FAAH2: variants seen among roughly 807,000 people sequenced by gnomAD.
The protein encoded by FAAH2 is fatty acid amide hydrolase 2.
In FAAH2, 60 loss-of-function variants were observed where a neutral mutation model predicts 36.9. That is an observed-to-expected ratio of 1.63 (90% CI 1.32 to 2.02). FAAH2 has a LOEUF of 2.02. FAAH2 is among the 30% of genes most tolerant of loss of function. FAAH2 has a pLI of 0.00. For synonymous variants in FAAH2, 214 were observed against 143.8 expected (o/e 1.49, Z -3.49); for missense variants, 689 against 397.5 (o/e 1.73, Z -6.23).
chrX:57,418,964 G>A (rs770645532), intron 7 of FAAH2, among the ~76,000 whole-genome samples: 93 of 100,971 alleles, frequency 9.2e-4, no homozygotes, highest in African/African-American at 2.5e-3. Flanking sequence ...GAGAACATGC[G>A]GTGTTTGGTT....
the FAAH2 span, among the ~76,000 whole-genome samples, chrX:57,186,811 A>T: frequency 8.9e-6 from 1 of 111,993 alleles, no homozygotes; most frequent in Non-Finnish European, 1.9e-5. Context: ...GCCATTTATT[A>T]AGTAAAGAAT....
chrX:57,449,492 G>A (rs755838968), intron 10 of FAAH2, among the ~76,000 whole-genome samples: 3 of 111,919 alleles, frequency 2.7e-5, no homozygotes, highest in East Asian at 2.8e-4. Context: ...GCCTTGCAGT[G>A]TTGCAGTTAA....
chrX:57,263,744 G>A, the FAAH2 span, among the ~76,000 whole-genome samples: 3 of 110,719 alleles, frequency 2.7e-5, no homozygotes, highest in African/African-American at 9.8e-5. Flanking sequence ...AAATAAATCT[G>A]GAAAAAAGAA....
chrX:57,302,351 A>C (rs747152030), intron 2 of FAAH2, among the ~76,000 whole-genome samples: 2 of 112,084 alleles, frequency 1.8e-5, no homozygotes, highest in Non-Finnish European at 3.8e-5. Flanking sequence ...GCTTGAAAAC[A>C]CTTTCATTCA....
chrX:57,258,936 G>T, the FAAH2 span, among the ~76,000 whole-genome samples: 1 of 108,216 alleles, frequency 9.2e-6, no homozygotes, highest in Admixed American at 9.9e-5. Context: ...TAGCCAGGAT[G>T]GTCTCATCTC....
chrX:57,187,735 G>A, the FAAH2 span, among the ~76,000 whole-genome samples: 3 of 111,361 alleles, frequency 2.7e-5, no homozygotes, highest in Admixed American at 2.9e-4. Context: ...TTTGAGATAT[G>A]TTGCATCAAT....
the FAAH2 span, among the ~76,000 whole-genome samples, chrX:57,235,654 G>T: frequency 8.9e-6 from 1 of 112,009 alleles, no homozygotes; most frequent in African/African-American, 3.2e-5. Flanking sequence ...ATTTGGGTGG[G>T]AGTAAATATC....
At chrX:57,177,454 T>A in the FAAH2 span, among the ~76,000 whole-genome samples, 2 of 103,054 alleles carry the variant, frequency 1.9e-5, no homozygotes, top group Admixed American at 2.2e-4. Context: ...TAAAGTATAA[T>A]AATAATAATA....
At chrX:57,322,327 C>T (rs759620374) in intron 3 of FAAH2, among the ~76,000 whole-genome samples, 1 of 111,668 alleles carries the variant, frequency 9.0e-6, no homozygotes, top group South Asian at 3.7e-4. Context: ...GATGTAGGTC[C>T]CCGATCTCTT....
intron 7 of FAAH2, among the ~76,000 whole-genome samples, chrX:57,423,640 C>T (rs750621466): frequency 9.0e-6 from 1 of 111,104 alleles, no homozygotes; most frequent in South Asian, 3.8e-4. Flanking sequence ...AGCAGAGGTT[C>T]CTTCACTCCT....
intron 5 of FAAH2, among the ~76,000 whole-genome samples, chrX:57,374,482 G>A (rs1450735066): frequency 8.9e-6 from 1 of 111,748 alleles, no homozygotes. Context: ...TATTGTAAAA[G>A]GGGTTGAGTT....
chrX:57,440,343 A>G (rs1463918211), intron 8 of FAAH2, among the ~76,000 whole-genome samples: 2 of 111,024 alleles, frequency 1.8e-5, no homozygotes, highest in African/African-American at 6.6e-5. Context: ...ATTCCTAGAT[A>G]TTTTATTCTC....
chrX:57,378,924 C>T, intron 6 of FAAH2, 138 bp downstream of exon 6: 2 of 673,251 alleles, frequency 3.0e-6, no homozygotes, highest in Non-Finnish European at 4.3e-6. Flanking sequence ...CCTTTATATA[C>T]TTATATAAGT....
At chrX:57,347,825 G>A (rs1294110612) in intron 5 of FAAH2, among the ~76,000 whole-genome samples, 2 of 109,229 alleles carry the variant, frequency 1.8e-5, no homozygotes, top group Non-Finnish European at 3.8e-5. Flanking sequence ...GGGTTTCTCA[G>A]GCACTGTATA....
At chrX:57,381,807 G>A (rs1276872418) in intron 7 of FAAH2, among the ~76,000 whole-genome samples, 1 of 111,128 alleles carries the variant, frequency 9.0e-6, no homozygotes, top group African/African-American at 3.3e-5. Flanking sequence ...ATTGAATTCA[G>A]CTCTGCACCA....
intron 7 of FAAH2, among the ~76,000 whole-genome samples, chrX:57,421,346 G>A (rs2056020723): frequency 1.8e-5 from 2 of 112,201 alleles, no homozygotes; most frequent in East Asian, 2.8e-4. Context: ...CAGCTACTCA[G>A]GTGGGTGAGA....
intron 5 of FAAH2, among the ~76,000 whole-genome samples, chrX:57,358,636 C>A (rs758508756): frequency 9.0e-6 from 1 of 111,273 alleles, no homozygotes; most frequent in South Asian, 3.7e-4. Context: ...GTTATTCCCA[C>A]CTCTTGGTTA....
intron 10 of FAAH2, among the ~76,000 whole-genome samples, chrX:57,461,952 A>C (rs1475604754): frequency 1.8e-5 from 2 of 110,535 alleles, no homozygotes; most frequent in Non-Finnish European, 3.8e-5. Context: ...CACAATAAAA[A>C]ATGATAAAGG....
intron 5 of FAAH2, among the ~76,000 whole-genome samples, chrX:57,349,146 A>G (rs943259154): frequency 2.5e-5 from 2 of 78,825 alleles, no homozygotes; most frequent in Admixed American, 3.3e-4. Flanking sequence ...TATTATATAC[A>G]TATATATGTA....
Sources: gnomAD v4.1 joint callset for allele counts (sites outside exome capture counted in the v4.1 genomes callset) on GRCh38, gnomAD v4.1.1 for gene constraint, MANE v1.5 for transcripts, NCBI Gene and HGNC (gene_info 2026-07-23, HGNC 2026-07-21) for gene names.